The following LRRTM4 variants were observed in gnomAD, a reference collection of about 807,000 sequenced individuals.
The protein encoded by LRRTM4 is leucine-rich repeat transmembrane neuronal protein 4.
In LRRTM4, 25 loss-of-function variants were observed where a neutral mutation model predicts 47.6. The observed-to-expected ratio is 0.53, with a 90% CI of 0.38 to 0.73. LRRTM4 has a LOEUF of 0.73. LRRTM4 is among the 30% of genes least tolerant of loss of function. The pLI is 0.00. For synonymous variants in LRRTM4, 311 were observed against 269.5 expected (o/e 1.15, Z -1.51); for missense variants, 638 against 713.4 (o/e 0.89, Z 1.20).
chr2:77,317,665 T>TAC (rs1456419928), intron 3 of LRRTM4, among the ~76,000 whole-genome samples: 1 of 152,210 alleles, frequency 6.6e-6, no homozygotes, highest in Non-Finnish European at 1.5e-5. Context: ...ACAGGCAGAC[T>TAC]ACAGTCAATA....
At chr2:77,253,440 C>A (rs971733220) in intron 3 of LRRTM4, among the ~76,000 whole-genome samples, 4 of 152,206 alleles carry the variant, frequency 2.6e-5, no homozygotes, top group South Asian at 2.1e-4. Context: ...ACTCTCCTAA[C>A]CTCTGTTGAA....
At chr2:77,187,676 TC>T (rs1278294907) in intron 3 of LRRTM4, among the ~76,000 whole-genome samples, 1 of 152,182 alleles carries the variant, frequency 6.6e-6, no homozygotes, top group East Asian at 1.9e-4. Context: ...TCTGGCTTTT[TC>T]TTTTAAACAG....
At chr2:77,067,945 T>C (rs1195070768) in intron 3 of LRRTM4, among the ~76,000 whole-genome samples, 2 of 152,058 alleles carry the variant, frequency 1.3e-5, no homozygotes, top group Admixed American at 1.3e-4. Context: ...TCTTAAAGTA[T>C]CATAAAATAA....
rs1558782430 is a variant in LRRTM4 at position 77,519,702 on chromosome 2, G to A, written c.167C>T (p.Pro56Leu). 6.2e-7 allele frequency: 1 copy of A among 1,613,382 alleles called. No homozygotes were observed. Among genetic ancestry groups the A allele is most frequent in the Admixed American group, 1.7e-5 (1 of 59,902 alleles). Residue 56 changes from proline to leucine, a missense_variant, in exon 3 of 4, where the codon CCT becomes CTT. Coordinates refer to ENST00000409884, the MANE Select transcript of LRRTM4 (RefSeq NM_001134745.3). The surrounding 1 kb of genome is among the most constrained non-coding windows in gnomAD (Gnocchi z 4.6). ...YCESHAFADI[P>L]ENISGGSQGL... The stretch of plus-strand genomic sequence containing the variant: ...TTGTGACCCTCCAGAAATGTTCTCA[G>A]GGATATCTGCGAAAGCATGAGACTC...
At chr2:77,425,237 G>A (rs12618176) in intron 3 of LRRTM4, among the ~76,000 whole-genome samples, 50,878 of 151,952 alleles carry the variant, frequency 0.33, 8,640 homozygotes, top group South Asian at 0.37. Context: ...CAAGTTTCTT[G>A]TAAGAACTCT....
At chr2:76,895,477 C>T (rs1435368726) in intron 3 of LRRTM4, among the ~76,000 whole-genome samples, 1 of 152,114 alleles carries the variant, frequency 6.6e-6, no homozygotes, top group African/African-American at 2.4e-5. Context: ...ATCATTCATC[C>T]TCTACACCAA....
intron 3 of LRRTM4, among the ~76,000 whole-genome samples, chr2:77,206,578 G>A (rs1383018722): frequency 1.3e-5 from 2 of 151,896 alleles, no homozygotes; most frequent in Admixed American, 6.6e-5. Flanking sequence ...TCCGCCTCCC[G>A]GGTTCAAGAG....
intron 3 of LRRTM4, among the ~76,000 whole-genome samples, chr2:77,237,734 G>A (rs1675143812): frequency 6.6e-6 from 1 of 152,122 alleles, no homozygotes; most frequent in African/African-American, 2.4e-5. Context: ...CTGGAGAAAG[G>A]ACTGCCATTA....
chr2:76,876,782 T>C (rs1467167758), intron 3 of LRRTM4, among the ~76,000 whole-genome samples: 1 of 152,048 alleles, frequency 6.6e-6, no homozygotes, highest in Non-Finnish European at 1.5e-5. Flanking sequence ...ACTTGTATTA[T>C]ATATTTGTAC....
intron 3 of LRRTM4, among the ~76,000 whole-genome samples, chr2:76,768,009 A>C (rs537576739): frequency 5.5e-4 from 84 of 152,336 alleles, no homozygotes; most frequent in African/African-American, 2.0e-3. Context: ...AAATGACAAT[A>C]TAAGCCAATT....
At chr2:76,968,637 G>C (rs1045384803) in intron 3 of LRRTM4, among the ~76,000 whole-genome samples, 1 of 151,516 alleles carries the variant, frequency 6.6e-6, no homozygotes, top group African/African-American at 2.4e-5. Context: ...GAAGAGAAGA[G>C]GGAAATGTAT....
At chr2:76,801,212 C>A (rs906237068) in intron 3 of LRRTM4, among the ~76,000 whole-genome samples, 3 of 152,082 alleles carry the variant, frequency 2.0e-5, no homozygotes, top group African/African-American at 7.2e-5. Flanking sequence ...GACACATGCA[C>A]ACATATGTTT....
chr2:76,778,667 C>G (rs1674172466), intron 3 of LRRTM4, among the ~76,000 whole-genome samples: 1 of 151,738 alleles, frequency 6.6e-6, no homozygotes, highest in South Asian at 2.1e-4. Context: ...CTTTATTAGT[C>G]TTGCTAGCGG....
intron 3 of LRRTM4, among the ~76,000 whole-genome samples, chr2:76,752,529 T>C (rs1672887254): frequency 6.6e-6 from 1 of 152,164 alleles, no homozygotes; most frequent in Non-Finnish European, 1.5e-5. Context: ...GTAAAAACCA[T>C]TGTAAAGTTC....
intron 3 of LRRTM4, among the ~76,000 whole-genome samples, chr2:77,469,065 T>C (rs939854272): frequency 6.6e-6 from 1 of 152,196 alleles, no homozygotes; most frequent in African/African-American, 2.4e-5. Flanking sequence ...ACGGAAACTG[T>C]CCTTTAATAT....
chr2:77,351,086 T>G (rs963057429), intron 3 of LRRTM4, among the ~76,000 whole-genome samples: 3 of 152,142 alleles, frequency 2.0e-5, no homozygotes, highest in Admixed American at 1.3e-4. Context: ...CGTATGCTCA[T>G]GTAGGCTCCA....
At chr2:77,078,750 G>A (rs1260598008) in intron 3 of LRRTM4, among the ~76,000 whole-genome samples, 2 of 152,152 alleles carry the variant, frequency 1.3e-5, no homozygotes, top group African/African-American at 4.8e-5. Flanking sequence ...TGTTAAAATT[G>A]CCTTTTCATT....
intron 3 of LRRTM4, among the ~76,000 whole-genome samples, chr2:77,027,871 C>T (rs1478332160): frequency 1.3e-5 from 2 of 151,832 alleles, no homozygotes; most frequent in Non-Finnish European, 1.5e-5. Flanking sequence ...ATGTTCAATA[C>T]AGTCCCATTT....
chr2:77,034,520 A>G (rs1264740123), intron 3 of LRRTM4, among the ~76,000 whole-genome samples: 2 of 151,726 alleles, frequency 1.3e-5, no homozygotes, highest in Non-Finnish European at 2.9e-5. Context: ...TCCGTCTTCT[A>G]TTTTCTTACT....
Sources: gnomAD v4.1 joint callset for allele counts (sites outside exome capture counted in the v4.1 genomes callset) on GRCh38, gnomAD v4.1.1 for gene constraint, Gnocchi (gnomAD v3.1) non-coding constraint, MANE v1.5 for transcripts, NCBI Gene and HGNC (gene_info 2026-07-23, HGNC 2026-07-21) for gene names.